Variants in ELFN1 observed in about 807,000 individuals in gnomAD.
ELFN1 encodes protein ELFN1.
ELFN1 carries 6 observed loss-of-function variants against 7.6 expected under a neutral mutation model. The ratio of observed to expected loss-of-function variants is 0.79; its 90% CI spans 0.43 to 1.56. ELFN1 has a LOEUF of 1.56. ELFN1 is among the 40% of genes most tolerant of loss of function. ELFN1 has a pLI of 0.01. For synonymous variants in ELFN1, 657 were observed against 588.1 expected, an observed-to-expected ratio of 1.12 and a Z score of -1.70; for missense variants, 1,169 against 1,232.2, an observed-to-expected ratio of 0.95 and a Z score of 0.77.
rs573103882 is a variant in ELFN1 at position 1,715,545 on chromosome 7, A to G, written c.-294+6293A>G. Among the ~76,000 whole-genome samples the G allele has an allele frequency of 4.6e-5, 7 of 152,166 alleles. No homozygotes were observed. The South Asian group carries it at 1.5e-3, about 32-fold the overall frequency. ...TCCCCAGCACCTGGGTCTCCTGCCCACTTCTGCCTCCCAGAAAGCCCCTTC... is the reference window on the plus strand; with the variant it reads ...TCCCCAGCACCTGGGTCTCCTGCCCGCTTCTGCCTCCCAGAAAGCCCCTTC... On this transcript the variant is annotated intron_variant, in intron 3 of 3. Coordinates refer to ENST00000424383, the MANE Select transcript of ELFN1 (RefSeq NM_001128636.4).
At position 1,746,750 on chromosome 7, in the gene ELFN1, C is replaced by T. The variant is rs753434926; in HGVS notation, c.2154C>T (p.Pro718=). 6.7e-7 allele frequency: 1 copy of T among 1,499,130 alleles called. No individual in the cohort carries two copies. Among genetic ancestry groups the T allele is most frequent in the South Asian group, 1.2e-5 (1 of 80,250 alleles). The allele number at this position is 1,499,130 out of a possible 1,614,324, so 92.9% of individuals were successfully genotyped here. The stretch of plus-strand genomic sequence containing the variant: ...CCCACCCGGCCGAGCCACCTGCGCC[C>T]CCCGGGCCACCGCCGCCGCCTCCGC... ...PGSHPAEPPA[P]PGPPPPPPHE... is the part of the protein sequence containing the mutation. Residue 718 remains proline, a synonymous_variant, in exon 4 of 4, where the codon CCC becomes CCT. Coordinates refer to ENST00000424383, the MANE Select transcript of ELFN1 (RefSeq NM_001128636.4).
chr7:1,743,286 G>A (rs1478939568), intron 3 of ELFN1, among the ~76,000 whole-genome samples: 2 of 152,204 alleles, frequency 1.3e-5, no homozygotes, highest in African/African-American at 2.4e-5. Flanking sequence ...AGGGTCCAGT[G>A]GAGGCTGAGG....
chr7:1,700,866 G>T (rs1225509614), intron 2 of ELFN1, among the ~76,000 whole-genome samples: 1 of 152,190 alleles, frequency 6.6e-6, no homozygotes, highest in Non-Finnish European at 1.5e-5. Context: ...TAATACAGTT[G>T]AGCACGGGGT....
Position 1,744,767 on chromosome 7 carries a change from G to C in ELFN1, c.171G>C (p.Gln57His). 2.6e-6 allele frequency: 4 copies of C among 1,554,934 alleles called. No individual in the cohort carries two copies. The African/African-American group carries it at 4.1e-5, about 16-fold the overall frequency. The part of the protein sequence containing the change: ...NQPPYEAIPQ[Q>H]INSTIVDLRL... ...CCCCCTACGAGGCCATCCCACAGCA[G>C]ATCAACAGCACCATCGTGGACCTGC... The change falls in exon 4 of 4, where the codon CAG (glutamine) becomes CAC (histidine). Residue 57 changes from glutamine (Q) to histidine (H), a missense_variant. Transcript: ENST00000424383.
chr7:1,743,757 G>A (rs1780695578), intron 3 of ELFN1, among the ~76,000 whole-genome samples: 2 of 152,208 alleles, frequency 1.3e-5, no homozygotes, highest in Non-Finnish European at 2.9e-5. Context: ...TCCTACAGGC[G>A]GCTCCAGGGG....
chr7:1,745,388 T>C lies in ELFN1; in HGVS notation c.792T>C (p.Arg264=). The C allele has an allele frequency of 6.5e-7, 1 of 1,538,862 alleles. No individual in the cohort carries two copies. Among genetic ancestry groups the C allele is most frequent in the Non-Finnish European group, 8.7e-7 (1 of 1,145,776 alleles). Residue 264 remains arginine, a synonymous_variant, in exon 4 of 4, where the codon CGT becomes CGC. Transcript: ENST00000424383. ...CGGCTGAGGTGGTCGGGCCCCCACG[T>C]CCAGCATCCGGGCGCTCACAGCCGG... is the stretch of plus-strand genomic sequence containing the variant. ...SYAAEVVGPP[R]PASGRSQPGR... is the part of the protein sequence containing the mutation.
intron 2 of ELFN1, among the ~76,000 whole-genome samples, chr7:1,704,864 C>T (rs949989093): frequency 6.6e-6 from 1 of 152,094 alleles, no homozygotes; most frequent in East Asian, 1.9e-4. Context: ...TCAGCCCTGT[C>T]CACCAGGGCT....
chr7:1,697,552 T>C (rs906158667), intron 2 of ELFN1, among the ~76,000 whole-genome samples: 3 of 152,202 alleles, frequency 2.0e-5, no homozygotes, highest in Middle Eastern at 3.2e-3. Context: ...ACTGGCCTTG[T>C]CTTAGCCTGT....
rs192224793 is a variant in ELFN1 at position 1,723,260 on chromosome 7, G to A, written c.-294+14008G>A. On this transcript the variant is annotated intron_variant, in intron 3 of 3. Coordinates refer to ENST00000424383, the MANE Select transcript of ELFN1 (RefSeq NM_001128636.4). ...TTCACCATCTTAAGCATTTCAGCAC[G>A]CGGTTCAGTGGTGTTCAGTGGATTT... is the stretch of plus-strand genomic sequence containing the variant. 3.9e-5 allele frequency among the ~76,000 whole-genome samples: 6 copies of A among 152,336 alleles called. No individual in the cohort carries two copies. The East Asian group carries it at 7.7e-4, about 20-fold the overall frequency.
chr7:1,743,172 TG>T (rs1379843577), intron 3 of ELFN1, among the ~76,000 whole-genome samples: 8 of 152,156 alleles, frequency 5.3e-5, no homozygotes, highest in Non-Finnish European at 1.2e-4. Context: ...GGGTCCTTCC[TG>T]CCTGGGGCTT....
chr7:1,704,116 G>A (rs1779482324), intron 2 of ELFN1, among the ~76,000 whole-genome samples: 1 of 152,216 alleles, frequency 6.6e-6, no homozygotes, highest in Non-Finnish European at 1.5e-5. Context: ...GGGAGGGCCT[G>A]GCATTTGCCA....
intron 1 of ELFN1, among the ~76,000 whole-genome samples, chr7:1,676,625 C>T (rs867190880): frequency 2.0e-5 from 3 of 152,344 alleles, no homozygotes; most frequent in African/African-American, 7.2e-5. Flanking sequence ...CTGGATGGGG[C>T]GCAGGTTCGG....
intron 2 of ELFN1, among the ~76,000 whole-genome samples, chr7:1,699,986 C>T (rs1583333965): frequency 1.3e-5 from 2 of 152,220 alleles, no homozygotes; most frequent in African/African-American, 4.8e-5. Flanking sequence ...AGGCGTGAGC[C>T]CCCGTGCCCG....
chr7:1,687,040 C>A (rs547326092), intron 1 of ELFN1, among the ~76,000 whole-genome samples: 11 of 151,830 alleles, frequency 7.2e-5, no homozygotes, highest in Admixed American at 7.2e-4. Flanking sequence ...CAAATAAAAT[C>A]AGCCCCTGAC....
At chr7:1,672,848 A>T (rs1778793022) in intron 1 of ELFN1, among the ~76,000 whole-genome samples, 1 of 152,040 alleles carries the variant, frequency 6.6e-6, no homozygotes, top group Non-Finnish European at 1.5e-5. Flanking sequence ...TGGGGTGTTC[A>T]TATATCTTCA....
chr7:1,745,411 C>T lies in ELFN1; in HGVS notation c.815C>T (p.Pro272Leu), dbSNP rs956135073. ...CGTCCAGCATCCGGGCGCTCACAGC[C>T]GGGCCGCTCCCCGCCGCCCCCGCCT... is the stretch of plus-strand genomic sequence containing the variant. ...PPRPASGRSQ[P>L]GRSPPPPPPP... Residue 272 changes from proline (P) to leucine (L), a missense_variant, in exon 4 of 4, where the codon CCG (proline) becomes CTG (leucine). Coordinates refer to ENST00000424383, the MANE Select transcript of ELFN1 (RefSeq NM_001128636.4). The T allele has an allele frequency of 3.2e-5, 50 of 1,538,982 alleles. No individual in the cohort carries two copies. Among genetic ancestry groups the T allele is most frequent in the Non-Finnish European group, 3.7e-5 (42 of 1,146,052 alleles).
upstream of ELFN1, among the ~76,000 whole-genome samples, chr7:1,669,485 CGGG>C (rs1562352546): frequency 1.3e-5 from 2 of 152,104 alleles, no homozygotes; most frequent in African/African-American, 2.4e-5. Context: ...AGGCTCCTGC[CGGG>C]GGTCCAGGCT....
At chr7:1,704,711 A>G (rs930564840) in intron 2 of ELFN1, among the ~76,000 whole-genome samples, 4 of 152,024 alleles carry the variant, frequency 2.6e-5, no homozygotes, top group Admixed American at 6.5e-5. Context: ...CTGCGAGGTC[A>G]GTGCCAGGTC....
At chr7:1,676,493 A>G (rs916666282) in intron 1 of ELFN1, among the ~76,000 whole-genome samples, 1 of 152,098 alleles carries the variant, frequency 6.6e-6, no homozygotes, top group South Asian at 2.1e-4. Context: ...GGGTGGATGG[A>G]TGGCTGTGGG....
Sources: allele counts gnomAD v4.1 joint callset (sites outside exome capture counted in the v4.1 genomes callset), GRCh38; gene constraint gnomAD v4.1.1; transcripts MANE v1.5; gene names NCBI Gene and HGNC (gene_info 2026-07-23, HGNC 2026-07-21).